MED24: variants seen among roughly 807,000 people sequenced by gnomAD.
MED24 encodes mediator complex subunit 24.
MED24 carries 74 observed loss-of-function variants against 118.8 expected under a neutral mutation model. That is an observed-to-expected ratio of 0.62 (90% CI 0.52 to 0.76). MED24 has a LOEUF of 0.76. Among genes scored for constraint, MED24 ranks in the 30% least tolerant of loss-of-function variants. The pLI is 0.00. For synonymous variants in MED24, 521 were observed against 523.9 expected (o/e 0.99, Z 0.08); for missense variants, 1,041 against 1,278.9 (o/e 0.81, Z 2.84).
At chr17:40,042,241 G>C (rs900114306) in intron 3 of MED24, among the ~76,000 whole-genome samples, 1 of 152,146 alleles carries the variant, frequency 6.6e-6, no homozygotes, top group South Asian at 2.1e-4. Context: ...GTAACTTAAC[G>C]AATTGATTCT....
chr17:40,024,870 G>C (rs1331587696), intron 19 of MED24, among the ~76,000 whole-genome samples: 1 of 152,030 alleles, frequency 6.6e-6, no homozygotes. Context: ...CAAGTAGCTG[G>C]GATTGCAGGC....
chr17:40,031,424 GC>G, intron 11 of MED24, 113 bp downstream of exon 11: 1 of 1,286,008 alleles, frequency 7.8e-7, no homozygotes, highest in Non-Finnish European at 1.1e-6. Flanking sequence ...TCCTGCCCCT[GC>G]CAAGGGGAGT....
At chr17:40,040,817 T>C (rs995039200) in intron 3 of MED24, among the ~76,000 whole-genome samples, 9 of 152,056 alleles carry the variant, frequency 5.9e-5, no homozygotes, top group African/African-American at 1.9e-4. Context: ...AGTTTCGCCA[T>C]GTTGGCCAGG....
In MED24 at chr17:40,036,810, G is replaced by A. The variant is rs181676045; in HGVS notation, c.214-656C>T. On this transcript the variant is annotated intron_variant, in intron 3 of 25. Transcript: ENST00000394128. ...ATGTCACTGTATTCCTACAGCTTCC[G>A]GCAAGAACAGAGGTTTTAATGGGTA... 2.8e-3 allele frequency among the ~76,000 whole-genome samples: 425 copies of A among 152,152 alleles called. 3 individuals are homozygous for A. The Middle Eastern group carries it at 0.065, about 23-fold the overall frequency.
chr17:40,032,677 A>G lies in MED24; in HGVS notation c.908T>C (p.Leu303Pro). 1 of 1,613,558 alleles carries G rather than the reference A, an allele frequency of 6.2e-7. No homozygotes were observed. Residue 303 changes from leucine (L) to proline (P), a missense_variant, in exon 9 of 26, where the codon CTC becomes CCC. This residue lies in a region of MED24 where 434 missense variants were observed against 514.9 expected (regional missense o/e 0.84). Transcript: ENST00000394128. ...LIESPEGTEE[L>P]KWTAFTFLKI... ...GAGGAAAGTGAAAGCTGTCCACTTG[A>G]GCTCCTCCGTACCCTCGGGAGACTC...
rs1205317820 is a variant in MED24 at position 40,027,838 on chromosome 17, C to A, written c.1447+71G>T. 6 of 1,527,926 alleles carry A rather than the reference C, an allele frequency of 3.9e-6. No homozygotes were observed. In the Admixed American group the frequency reaches 1.0e-4, roughly 26 times the overall value. 94.6% of individuals were successfully genotyped at this position (1,527,926 alleles called of 1,614,324 possible). On this transcript the variant is annotated intron_variant, in intron 15 of 25. Coordinates refer to ENST00000394128, the MANE Select transcript of MED24 (RefSeq NM_014815.4). The stretch of plus-strand genomic sequence containing the variant: ...CCCTGTTGAGCTGGGGAGCCCTCCT[C>A]CCTCCCACACTCTCCCGCCACACCC...
Position 40,026,222 on chromosome 17 carries a change from A to G in MED24, c.1919T>C (p.Leu640Pro). The stretch of plus-strand genomic sequence containing the variant: ...CCCTGCCAGCTGGCGGATCATCTGC[A>G]GCGACTTCTCACGCTCATCCAGCCC... ...MLGLDEREKS[L>P]QMIRQLAGPL... The change falls in exon 19 of 26, where the codon CTG becomes CCG. Residue 640 changes from leucine (L) to proline (P), a missense_variant. Leu to Pro is a moderately conservative substitution (Grantham distance 98). Around this residue, in one of 3 missense-constraint regions of MED24, gnomAD observed 587 missense variants for 694.4 expected, o/e 0.85. Transcript: ENST00000394128. 6.2e-7 allele frequency: 1 copy of G among 1,614,212 alleles called. No individual in the cohort carries two copies. Among genetic ancestry groups the G allele is most frequent in the Non-Finnish European group, 8.5e-7 (1 of 1,180,046 alleles).
intron 23 of MED24, 73 bp from the exon 24 acceptor site, chr17:40,020,426 C>T (rs750577182): frequency 3.2e-6 from 5 of 1,550,780 alleles, no homozygotes; most frequent in African/African-American, 1.4e-5. Context: ...CGGGGATGCC[C>T]CAACCCGACC....
intron 3 of MED24, among the ~76,000 whole-genome samples, chr17:40,042,455 A>G (rs944207577): frequency 1.3e-5 from 2 of 152,178 alleles, no homozygotes; most frequent in Admixed American, 1.3e-4. Context: ...CAGATGGATT[A>G]TGAGGTCGGG....
chr17:40,053,175 T>C, intron 3 of MED24, 123 bp downstream of exon 3: 1 of 926,306 alleles, frequency 1.1e-6, no homozygotes, highest in African/African-American at 1.7e-5. Context: ...GCTCAAGCAA[T>C]CCGCCTGCCT....
At position 40,022,639 on chromosome 17, in the gene MED24, T is replaced by A. The variant is rs1344734346; in HGVS notation, c.2432+6A>T. Reference sequence around the variant, plus strand: ...GGAGCAGGGCAAGCTCTGAAGAGAATCTTACTTGGCAAGAGCAGTGCCCGG... The same window carrying A: ...GGAGCAGGGCAAGCTCTGAAGAGAAACTTACTTGGCAAGAGCAGTGCCCGG... On this transcript the variant is annotated splice_donor_region_variant and intron_variant, in intron 21 of 25. Coordinates refer to ENST00000394128, the MANE Select transcript of MED24 (RefSeq NM_014815.4). The A allele has an allele frequency of 1.9e-6, 3 of 1,612,940 alleles. No individual in the cohort carries two copies. Among genetic ancestry groups the A allele is most frequent in the Non-Finnish European group, 2.5e-6 (3 of 1,179,932 alleles).
At chr17:40,041,069 C>T (rs1322331362) in intron 3 of MED24, among the ~76,000 whole-genome samples, 4 of 152,126 alleles carry the variant, frequency 2.6e-5, no homozygotes, top group African/African-American at 4.8e-5. Flanking sequence ...CTTCTACACT[C>T]CCTGGCTCTA....
intron 19 of MED24, 120 bp downstream of exon 19, chr17:40,026,032 AAGTG>A: frequency 1.0e-6 from 1 of 977,038 alleles, no homozygotes; most frequent in Non-Finnish European, 1.5e-6. Context: ...ATGAATAGGA[AAGTG>A]AGTGAGTGAT....
chr17:40,044,498 C>A (rs1276929711), intron 3 of MED24, among the ~76,000 whole-genome samples: 7 of 150,320 alleles, frequency 4.7e-5, no homozygotes, highest in African/African-American at 7.4e-5. Context: ...CCAGCCTGGG[C>A]GACAGAGGGA....
intron 16 of MED24, 81 bp from the exon 17 acceptor site, chr17:40,027,115 C>G (rs1051375812): frequency 6.6e-7 from 1 of 1,515,090 alleles, no homozygotes. Context: ...TGCACTGTTT[C>G]CCGCCAGGCT....
rs572387913 is a variant in MED24 at position 40,051,570 on chromosome 17, C to T, written c.213+1728G>A. Among the ~76,000 whole-genome samples the T allele has an allele frequency of 4.0e-5, 6 of 149,406 alleles. No homozygotes were observed. The South Asian group carries it at 6.4e-4, about 16-fold the overall frequency. On this transcript the variant is annotated intron_variant, in intron 3 of 25. Coordinates refer to ENST00000394128, the MANE Select transcript of MED24 (RefSeq NM_014815.4). ...CAGAGGTTGCAGTAAGCCAAGATCA[C>T]GCCACTGCACTCTAGCCTAGTGACA...
At chr17:40,047,762 G>A (rs1303650437) in intron 3 of MED24, among the ~76,000 whole-genome samples, 2 of 151,784 alleles carry the variant, frequency 1.3e-5, no homozygotes, top group Non-Finnish European at 2.9e-5. Context: ...ACGAAGTTTT[G>A]CTCGTTGCCC....
In MED24 at chr17:40,033,026, G is replaced by A; in HGVS notation, c.822+30C>T. ...GCCCCCAACAGGCTGGCCTGCCTTG[G>A]AGAAGGGAGAGCCACTCGGCCCCTC... On this transcript the variant is annotated intron_variant, in intron 8 of 25. Transcript: ENST00000394128. The surrounding 1 kb of genome is among the most constrained non-coding windows in gnomAD (Gnocchi z 5.2). 2 of 1,612,090 alleles carry A rather than the reference G, an allele frequency of 1.2e-6. No homozygotes were observed. The highest frequency in any genetic ancestry group is 2.2e-5 in the East Asian group (1 of 44,814).
chr17:40,047,321 G>GT, intron 3 of MED24, among the ~76,000 whole-genome samples: 1 of 152,234 alleles, frequency 6.6e-6, no homozygotes, highest in South Asian at 2.1e-4. Flanking sequence ...GAAATGCTCT[G>GT]TATCTTATTT....
Sources: gnomAD v4.1 joint callset for allele counts (sites outside exome capture counted in the v4.1 genomes callset) on GRCh38, gnomAD v4.1.1 for gene constraint, gnomAD v4.1.1 regional missense constraint, Gnocchi (gnomAD v3.1) non-coding constraint, MANE v1.5 for transcripts, NCBI Gene and HGNC (gene_info 2026-07-23, HGNC 2026-07-21) for gene names.